CNBD1: variants seen among roughly 807,000 people sequenced by gnomAD.
The protein encoded by CNBD1 is cyclic nucleotide binding domain containing 1, also known as cyclic nucleotide-binding domain-containing protein 1.
CNBD1 carries 71 observed loss-of-function variants against 54.4 expected under a neutral mutation model. That is an observed-to-expected ratio of 1.30 (90% CI 1.08 to 1.59). The LOEUF (loss-of-function observed/expected upper bound fraction) is 1.59, where lower values mean the gene tolerates loss of function less well. Among genes scored for constraint, CNBD1 ranks in the 40% most tolerant of loss-of-function variants. The probability of loss-of-function intolerance (pLI) is 0.00; values close to 1 mark genes in which losing one functional copy is unlikely to be tolerated. For synonymous variants in CNBD1, 182 were observed against 170.7 expected, an observed-to-expected ratio of 1.07 and a Z score of -0.51; for missense variants, 659 against 518.0, an observed-to-expected ratio of 1.27 and a Z score of -2.64.
chr8:86,939,069 G>C (rs994385659), intron 3 of CNBD1, among the ~76,000 whole-genome samples: 7 of 152,020 alleles, frequency 4.6e-5, no homozygotes, highest in African/African-American at 1.7e-4. Flanking sequence ...CTAGAAATAT[G>C]AATGGAAAAT....
chr8:87,414,921 A>G (rs1369479312), intron 2 of CNBD1, among the ~76,000 whole-genome samples: 2 of 152,058 alleles, frequency 1.3e-5, no homozygotes, highest in Admixed American at 6.6e-5. Flanking sequence ...TAAATGACTT[A>G]CAGGTCTGAC....
At chr8:87,393,468 G>A (rs1264280145) in intron 2 of CNBD1, among the ~76,000 whole-genome samples, 1 of 151,856 alleles carries the variant, frequency 6.6e-6, no homozygotes, top group Non-Finnish European at 1.5e-5. Flanking sequence ...TTCAACATGA[G>A]TTCACTTTTT....
At chr8:86,968,674 T>C (rs1016244759) in intron 4 of CNBD1, among the ~76,000 whole-genome samples, 2 of 152,206 alleles carry the variant, frequency 1.3e-5, no homozygotes, top group Non-Finnish European at 2.9e-5. Flanking sequence ...AAGGACAGAA[T>C]GGTTGCATCC....
chr8:86,871,419 TGTCTG>T (rs1808441762), intron 1 of CNBD1, among the ~76,000 whole-genome samples: 1 of 152,244 alleles, frequency 6.6e-6, no homozygotes, highest in Non-Finnish European at 1.5e-5. Context: ...TAGATTTACT[TGTCTG>T]ATAGGACGAT....
chr8:86,872,290 CAG>C (rs905223084), intron 1 of CNBD1, among the ~76,000 whole-genome samples: 1 of 152,166 alleles, frequency 6.6e-6, no homozygotes, highest in Non-Finnish European at 1.5e-5. Flanking sequence ...TTCAGTTCTT[CAG>C]AGTTTTCCTA....
intron 2 of CNBD1, among the ~76,000 whole-genome samples, chr8:87,388,300 T>G (rs1381650706): frequency 6.6e-6 from 1 of 151,950 alleles, no homozygotes; most frequent in African/African-American, 2.4e-5. Flanking sequence ...CTTCAAAAAA[T>G]CAATGAATCC....
chr8:87,311,524 G>A (rs1809265270), intron 8 of CNBD1, among the ~76,000 whole-genome samples: 1 of 152,148 alleles, frequency 6.6e-6, no homozygotes, highest in South Asian at 2.1e-4. Flanking sequence ...TTTAGCCACT[G>A]TGGAAAGCAG....
intron 4 of CNBD1, among the ~76,000 whole-genome samples, chr8:87,090,439 T>G (rs530041661): frequency 6.6e-6 from 1 of 152,354 alleles, no homozygotes; most frequent in East Asian, 1.9e-4. Context: ...TCCATCTGGA[T>G]ATAGTCATTT....
intron 10 of CNBD1, among the ~76,000 whole-genome samples, chr8:87,358,580 C>T (rs1810466604): frequency 6.0e-5 from 9 of 151,094 alleles, no homozygotes; most frequent in Admixed American, 5.9e-4. Context: ...AAAACAGAAC[C>T]AATAGGATAT....
chr8:87,108,512 T>G (rs1172898824), intron 4 of CNBD1, among the ~76,000 whole-genome samples: 1 of 152,192 alleles, frequency 6.6e-6, no homozygotes, highest in Non-Finnish European at 1.5e-5. Flanking sequence ...ATTTATGCAT[T>G]GTTTAAAAGC....
chr8:87,285,998 G>A (rs539499890), intron 7 of CNBD1, among the ~76,000 whole-genome samples: 11 of 152,330 alleles, frequency 7.2e-5, no homozygotes, highest in African/African-American at 9.6e-5. Flanking sequence ...CCATGGTTCA[G>A]TGCTCATGTG....
intron 4 of CNBD1, among the ~76,000 whole-genome samples, chr8:86,950,973 A>G (rs1728960420): frequency 6.6e-6 from 1 of 152,170 alleles, no homozygotes; most frequent in South Asian, 2.1e-4. Flanking sequence ...CCAAAGGATC[A>G]TAGTGACTAC....
chr8:87,186,347 C>T (rs891253715), intron 4 of CNBD1, among the ~76,000 whole-genome samples: 1 of 152,088 alleles, frequency 6.6e-6, no homozygotes. Context: ...AGTAAACTGG[C>T]AGTCTTCAAA....
At chr8:87,030,749 G>T (rs1322507861) in intron 4 of CNBD1, among the ~76,000 whole-genome samples, 4 of 151,968 alleles carry the variant, frequency 2.6e-5, no homozygotes, top group Admixed American at 6.5e-5. Flanking sequence ...AGGATAAGAT[G>T]GAGGGACACA....
At chr8:87,140,863 A>T (rs994210267) in intron 4 of CNBD1, among the ~76,000 whole-genome samples, 5 of 152,162 alleles carry the variant, frequency 3.3e-5, no homozygotes, top group African/African-American at 9.7e-5. Context: ...TCATTACCAC[A>T]TTCCTCTGCA....
intron 4 of CNBD1, among the ~76,000 whole-genome samples, chr8:87,187,613 GTCA>G (rs1813508914): frequency 6.6e-6 from 1 of 151,936 alleles, no homozygotes; most frequent in African/African-American, 2.4e-5. Context: ...AGCCCCTCAA[GTCA>G]TCATTGTTTG....
At position 86,887,183 on chromosome 8, in the gene CNBD1, G is replaced by A. The variant is rs1043759847; in HGVS notation, c.89-359G>A. Among the ~76,000 whole-genome samples, 11 of 152,196 alleles carry A rather than the reference G, an allele frequency of 7.2e-5. No individual in the cohort carries two copies. In the East Asian group the frequency reaches 1.9e-3, roughly 27 times the overall value. The stretch of plus-strand genomic sequence containing the variant: ...GACCAAATTAAGAAAACTCTTACTC[G>A]AATTGTCATGTCTGAAGTTCTGGAA... On this transcript the variant is annotated intron_variant, in intron 1 of 10. Transcript: ENST00000518476.
intron 4 of CNBD1, among the ~76,000 whole-genome samples, chr8:87,034,963 T>A (rs1809880691): frequency 6.6e-6 from 1 of 152,150 alleles, no homozygotes; most frequent in Admixed American, 6.5e-5. Flanking sequence ...CTGGAATTTA[T>A]GCGGATTTTT....
Position 87,182,270 on chromosome 8 carries a change from C to A in CNBD1, c.432-23723C>A, listed in dbSNP as rs904864617. Among the ~76,000 whole-genome samples, 2 of 151,974 alleles carry A rather than the reference C, an allele frequency of 1.3e-5. No individual in the cohort carries two copies. The highest frequency in any genetic ancestry group is 2.9e-5 in the Non-Finnish European group (2 of 67,986). On this transcript the variant is annotated intron_variant, in intron 4 of 10. Coordinates refer to ENST00000518476, the MANE Select transcript of CNBD1 (RefSeq NM_173538.3). This position sits in a 1 kb window ranked among gnomAD's most constrained non-coding sequence, Gnocchi z 4.1. ...CATAGTATTCCATGGTGTATATATA[C>A]CATATTTTCTTTATCCAGTTTACCA...
Sources: allele counts gnomAD v4.1 joint callset (sites outside exome capture counted in the v4.1 genomes callset), GRCh38; gene constraint gnomAD v4.1.1; non-coding constraint Gnocchi (gnomAD v3.1); transcripts MANE v1.5; gene names NCBI Gene and HGNC (gene_info 2026-07-23, HGNC 2026-07-21).